The following FKBPL variants were observed in gnomAD, a reference collection of about 807,000 sequenced individuals.
The protein encoded by FKBPL is FK506-binding protein-like.
FKBPL carries 31 observed loss-of-function variants against 27.9 expected under a neutral mutation model. That is an observed-to-expected ratio of 1.11 (90% CI 0.83 to 1.50). The LOEUF (loss-of-function observed/expected upper bound fraction) is 1.50. Ranked by LOEUF, FKBPL falls within the 40% of genes most tolerant of loss-of-function variation. FKBPL has a pLI of 0.00. For missense variants in FKBPL, 355 were observed against 425.9 expected, an observed-to-expected ratio of 0.83 and a Z score of 1.46; for synonymous variants, 134 against 169.5, an observed-to-expected ratio of 0.79 and a Z score of 1.63.
Position 32,128,769 on chromosome 6 carries a change from C to T in FKBPL, c.1012G>A (p.Ala338Thr). Residue 338 changes from alanine (A) to threonine (T), a missense_variant, in exon 2 of 2, where the codon GCA becomes ACA. Ala to Thr is a moderately conservative substitution (Grantham distance 58). Transcript: ENST00000375156. ...KVVIQGKNQDAGLAQGLRKMF... is the reference protein window; with the variant it reads ...KVVIQGKNQDTGLAQGLRKMF... ...TTGCGCAGACCCTGAGCCAGCCCTG[C>T]ATCCTGGTTCTTCCCCTGAATGACC... 1.2e-6 allele frequency: 2 copies of T among 1,614,232 alleles called. No homozygotes were observed. Among genetic ancestry groups the T allele is most frequent in the South Asian group, 1.1e-5 (1 of 91,082 alleles).
chr6:32,129,445 G>A lies in FKBPL; in HGVS notation c.336C>T (p.Gly112=). 6.2e-7 allele frequency: 1 copy of A among 1,614,248 alleles called. No homozygotes were observed. Among genetic ancestry groups the A allele is most frequent in the Non-Finnish European group, 8.5e-7 (1 of 1,180,054 alleles). ...GSFVKKIVIR[G]HGLDKPKLGS... Reference sequence around the variant, plus strand: ...CTAGTTTGGGTTTGTCCAAGCCATGGCCACGGATTACGATCTTCTTGACAA... The same window carrying A: ...CTAGTTTGGGTTTGTCCAAGCCATGACCACGGATTACGATCTTCTTGACAA... The change falls in exon 2 of 2, where the codon GGC becomes GGT. Residue 112 remains glycine (G), a synonymous_variant. Coordinates refer to ENST00000375156, the MANE Select transcript of FKBPL (RefSeq NM_022110.4). The surrounding 1 kb of genome is among the most constrained non-coding windows in gnomAD (Gnocchi z 4.5).
chr6:32,129,832 A>G lies in FKBPL; in HGVS notation c.-52T>C. ...AGTGAACAGTTTTGGTCAGAAAGGGATGAACCAGGTTCAGGTCAGCACCTG... is the reference window on the plus strand; with the variant it reads ...AGTGAACAGTTTTGGTCAGAAAGGGGTGAACCAGGTTCAGGTCAGCACCTG... On this transcript the variant is annotated 5_prime_UTR_variant, in exon 2 of 2. Coordinates refer to ENST00000375156, the MANE Select transcript of FKBPL (RefSeq NM_022110.4). This position sits in a 1 kb window ranked among gnomAD's most constrained non-coding sequence, Gnocchi z 4.5. 6.5e-7 allele frequency: 1 copy of G among 1,543,894 alleles called. No homozygotes were observed. The highest frequency in any genetic ancestry group is 8.9e-7 in the Non-Finnish European group (1 of 1,128,284).
Position 32,128,965 on chromosome 6 carries a change from G to A in FKBPL, c.816C>T (p.Ala272=). 1 of 1,614,042 alleles carries A rather than the reference G, an allele frequency of 6.2e-7. No homozygotes were observed. The highest frequency in any genetic ancestry group is 8.5e-7 in the Non-Finnish European group (1 of 1,179,882). Reference sequence around the variant, plus strand: ...GCTCCAACACCCGGTCACAGCTCTGGGCTGCCAACTGAGGCTGCCCTAGCA... The same window carrying A: ...GCTCCAACACCCGGTCACAGCTCTGAGCTGCCAACTGAGGCTGCCCTAGCA... ...QLLLGQPQLA[A]QSCDRVLERE... The change falls in exon 2 of 2, where the codon GCC becomes GCT. Residue 272 remains alanine (A), a synonymous_variant. Transcript: ENST00000375156.
chr6:32,129,696 G>C lies in FKBPL; in HGVS notation c.85C>G (p.Leu29Val), dbSNP rs770043228. The change falls in exon 2 of 2, where the codon CTT becomes GTT. Residue 29 changes from leucine (L) to valine (V), a missense_variant. Leu to Val is a conservative substitution (Grantham distance 32, BLOSUM62 1). Transcript: ENST00000375156. The surrounding 1 kb of genome is among the most constrained non-coding windows in gnomAD (Gnocchi z 4.5). ...QEWEKNLREN[L>V]DSVIQIRQQP... ...TGCCTAATCTGAATAACTGAATCAA[G>C]GTTCTCCCGAAGGTTCTTTTCCCAC... 2 of 1,614,122 alleles carry C rather than the reference G, an allele frequency of 1.2e-6. No homozygotes were observed. The highest frequency in any genetic ancestry group is 2.2e-5 in the East Asian group (1 of 44,882).
At position 32,129,673 on chromosome 6, in the gene FKBPL, C is replaced by T. The variant is rs1457037083; in HGVS notation, c.108G>A (p.Arg36=). The T allele has an allele frequency of 6.2e-7, 1 of 1,614,148 alleles. No homozygotes were observed. Residue 36 remains arginine, a synonymous_variant, in exon 2 of 2, where the codon AGG becomes AGA. Coordinates refer to ENST00000375156, the MANE Select transcript of FKBPL (RefSeq NM_022110.4). This position sits in a 1 kb window ranked among gnomAD's most constrained non-coding sequence, Gnocchi z 4.5. ...RENLDSVIQI[R]QQPRDPPTET... ...CGGTAGGAGGGTCTCGGGGCTGCTG[C>T]CTAATCTGAATAACTGAATCAAGGT...
chr6:32,129,310 C>T lies in FKBPL; in HGVS notation c.471G>A (p.Gly157=). Residue 157 remains glycine, a synonymous_variant, in exon 2 of 2, where the codon GGG becomes GGA. Coordinates refer to ENST00000375156, the MANE Select transcript of FKBPL (RefSeq NM_022110.4). The surrounding 1 kb of genome is among the most constrained non-coding windows in gnomAD (Gnocchi z 4.5). The stretch of plus-strand genomic sequence containing the variant: ...ACTCCAAGCATTTCTCTATGAGCTC[C>T]CCCCAAGTTTCCTCCCTCCATGGCC... ...GVGPWREETW[G]ELIEKCLESM... 1 of 1,614,242 alleles carries T rather than the reference C, an allele frequency of 6.2e-7. No individual in the cohort carries two copies. The highest frequency in any genetic ancestry group is 8.5e-7 in the Non-Finnish European group (1 of 1,180,032).
chr6:32,129,473 C>T lies in FKBPL; in HGVS notation c.308G>A (p.Ser103Asn), dbSNP rs1782151760. ...ASDLWYCPDG[S>N]FVKKIVIRGH... ...ACGGATTACGATCTTCTTGACAAAG[C>T]TCCCATCGGGGCAGTACCAGAGATC... Residue 103 changes from serine to asparagine, a missense_variant, in exon 2 of 2, where the codon AGC (serine) becomes AAC (asparagine). Transcript: ENST00000375156. This position sits in a 1 kb window ranked among gnomAD's most constrained non-coding sequence, Gnocchi z 4.5. 5.6e-6 allele frequency: 9 copies of T among 1,614,256 alleles called. No individual in the cohort carries two copies. The highest frequency in any genetic ancestry group is 6.8e-6 in the Non-Finnish European group (8 of 1,180,054).
In FKBPL at chr6:32,129,057, T is replaced by C; in HGVS notation, c.724A>G (p.Thr242Ala). ...CYGRALRLLL[T>A]LPPPGPPERT... Reference sequence around the variant, plus strand: ...TCTGGAGGGCCAGGTGGGGGTAAAGTCAGGAGCAGCCGAAGAGCCCGTCCA... The same window carrying C: ...TCTGGAGGGCCAGGTGGGGGTAAAGCCAGGAGCAGCCGAAGAGCCCGTCCA... The change falls in exon 2 of 2, where the codon ACT becomes GCT. Residue 242 changes from threonine (T) to alanine (A), a missense_variant. By Grantham distance (58) the Thr-to-Ala change is moderately conservative. Transcript: ENST00000375156. The surrounding 1 kb of genome is among the most constrained non-coding windows in gnomAD (Gnocchi z 4.5). 1 of 1,614,184 alleles carries C rather than the reference T, an allele frequency of 6.2e-7. No individual in the cohort carries two copies. Among genetic ancestry groups the C allele is most frequent in the Non-Finnish European group, 8.5e-7 (1 of 1,180,028 alleles).
chr6:32,129,996 C>G lies in FKBPL; in HGVS notation c.-75+99G>C. On this transcript the variant is annotated intron_variant, in intron 1 of 1. Coordinates refer to ENST00000375156, the MANE Select transcript of FKBPL (RefSeq NM_022110.4). This position sits in a 1 kb window ranked among gnomAD's most constrained non-coding sequence, Gnocchi z 4.5. ...CCTCCAAAAATCTGCTCCAGCTTCC[C>G]CGTTCCACCCACATATAATTTAGAA... The G allele has an allele frequency of 1.6e-6, 1 of 620,762 alleles. No individual in the cohort carries two copies. The highest frequency in any genetic ancestry group is 2.0e-5 in the South Asian group (1 of 51,066). 38.5% of individuals were successfully genotyped at this position (620,762 alleles called of 1,614,324 possible). A position where few individuals can be genotyped will look rare whatever the true frequency, so the allele number is the denominator to read the frequency against.
In FKBPL at chr6:32,129,456, C is replaced by T. The variant is rs1029445798; in HGVS notation, c.325G>A (p.Val109Ile). The T allele has an allele frequency of 1.2e-6, 2 of 1,614,226 alleles. No individual in the cohort carries two copies. The highest frequency in any genetic ancestry group is 1.1e-5 in the South Asian group (1 of 91,092). The change falls in exon 2 of 2, where the codon GTA becomes ATA. Residue 109 changes from valine to isoleucine, a missense_variant. Coordinates refer to ENST00000375156, the MANE Select transcript of FKBPL (RefSeq NM_022110.4). This position sits in a 1 kb window ranked among gnomAD's most constrained non-coding sequence, Gnocchi z 4.5. ...CPDGSFVKKIVIRGHGLDKPK... is the reference protein window; with the variant it reads ...CPDGSFVKKIIIRGHGLDKPK... The stretch of plus-strand genomic sequence containing the variant: ...TTGTCCAAGCCATGGCCACGGATTA[C>T]GATCTTCTTGACAAAGCTCCCATCG...
Position 32,129,068 on chromosome 6 carries a change from C to T in FKBPL, c.713G>A (p.Arg238Gln), listed in dbSNP as rs1167063174. ...AGGTGGGGGTAAAGTCAGGAGCAGC[C>T]GAAGAGCCCGTCCATAGCATCGGGC... is the stretch of plus-strand genomic sequence containing the variant. ...GAARCYGRAL[R>Q]LLLTLPPPGP... is the part of the protein sequence containing the mutation. Residue 238 changes from arginine (R) to glutamine (Q), a missense_variant, in exon 2 of 2, where the codon CGG becomes CAG. Arg to Gln is a conservative substitution (Grantham distance 43, BLOSUM62 1). Coordinates refer to ENST00000375156, the MANE Select transcript of FKBPL (RefSeq NM_022110.4). This position sits in a 1 kb window ranked among gnomAD's most constrained non-coding sequence, Gnocchi z 4.5. 5.0e-6 allele frequency: 8 copies of T among 1,614,106 alleles called. No homozygotes were observed. Among genetic ancestry groups the T allele is most frequent in the East Asian group, 4.5e-5 (2 of 44,904 alleles).
chr6:32,130,216 C>A lies in FKBPL; in HGVS notation c.-196G>T. On this transcript the variant is annotated 5_prime_UTR_variant, in exon 1 of 2. Coordinates refer to ENST00000375156, the MANE Select transcript of FKBPL (RefSeq NM_022110.4). Reference sequence around the variant, plus strand: ...GGAGCCTTGCCCCACGCGGAGAGGGCAGCCGGAGAGGGGCGCGGTGCGGGA... The same window carrying A: ...GGAGCCTTGCCCCACGCGGAGAGGGAAGCCGGAGAGGGGCGCGGTGCGGGA... 1 of 201,932 alleles carries A rather than the reference C, an allele frequency of 5.0e-6. No homozygotes were observed. The highest frequency in any genetic ancestry group is 2.4e-5 in the African/African-American group (1 of 42,418). 12.5% of individuals were successfully genotyped at this position (201,932 alleles called of 1,614,324 possible). A position where few individuals can be genotyped will look rare whatever the true frequency, so the allele number is the denominator to read the frequency against.
In FKBPL at chr6:32,128,716, AGGTTT is replaced by A; in HGVS notation, c.*10_*14del. ...AATTCACAAGTTCCTGTCTCTTTTA[AGGTTT>A]AACTTTTAATCAGCCAAACATCTTG... On this transcript the variant is annotated 3_prime_UTR_variant, in exon 2 of 2. Coordinates refer to ENST00000375156, the MANE Select transcript of FKBPL (RefSeq NM_022110.4). The A allele has an allele frequency of 6.2e-7, 1 of 1,613,938 alleles. No homozygotes were observed. Among genetic ancestry groups the A allele is most frequent in the Non-Finnish European group, 8.5e-7 (1 of 1,179,914 alleles).
Position 32,130,101 on chromosome 6 carries a change from G to A in FKBPL, c.-81C>T. 2.0e-6 allele frequency: 1 copy of A among 491,900 alleles called. No homozygotes were observed. Among genetic ancestry groups the A allele is most frequent in the South Asian group, 2.3e-5 (1 of 44,282 alleles). The allele number at this position is 491,900 out of a possible 1,614,324, so 30.5% of individuals were successfully genotyped here. On this transcript the variant is annotated 5_prime_UTR_variant, in exon 1 of 2. Transcript: ENST00000375156. ...CGGTCGGGTCAATAAGTACCTGCGC[G>A]GCCAAAGTGCCTAGCATGGTGACAG...
chr6:32,130,134 C>T lies in FKBPL; in HGVS notation c.-114G>A. ...TGCCTAGCATGGTGACAGGAGGAGCCGGGCCATTCGAATCACCTCTCCTTC... is the reference window on the plus strand; with the variant it reads ...TGCCTAGCATGGTGACAGGAGGAGCTGGGCCATTCGAATCACCTCTCCTTC... On this transcript the variant is annotated 5_prime_UTR_variant, in exon 1 of 2. Coordinates refer to ENST00000375156, the MANE Select transcript of FKBPL (RefSeq NM_022110.4). 2.7e-6 allele frequency: 1 copy of T among 369,398 alleles called. No homozygotes were observed. The highest frequency in any genetic ancestry group is 6.1e-5 in the East Asian group (1 of 16,366). The allele number at this position is 369,398 out of a possible 1,614,324, so 22.9% of individuals were successfully genotyped here.
In FKBPL at chr6:32,129,661, T is replaced by G; in HGVS notation, c.120A>C (p.Arg40=). The change falls in exon 2 of 2, where the codon CGA becomes CGC. Residue 40 remains arginine, a synonymous_variant. Transcript: ENST00000375156. The surrounding 1 kb of genome is among the most constrained non-coding windows in gnomAD (Gnocchi z 4.5). ...GCTCAAGCGTTTCGGTAGGAGGGTC[T>G]CGGGGCTGCTGCCTAATCTGAATAA... The part of the protein sequence containing the change: ...DSVIQIRQQP[R]DPPTETLELE... 1 of 1,614,212 alleles carries G rather than the reference T, an allele frequency of 6.2e-7. No homozygotes were observed. The highest frequency in any genetic ancestry group is 8.5e-7 in the Non-Finnish European group (1 of 1,180,044).
chr6:32,129,793 T>A lies in FKBPL; in HGVS notation c.-13A>T. On this transcript the variant is annotated 5_prime_UTR_variant, in exon 2 of 2. Transcript: ENST00000375156. This position sits in a 1 kb window ranked among gnomAD's most constrained non-coding sequence, Gnocchi z 4.5. The stretch of plus-strand genomic sequence containing the variant: ...GTGGCGTCTCCATATGGATGCTTAG[T>A]CCCTTCCACGGTGAGTGAACAGTTT... The A allele has an allele frequency of 6.2e-7, 1 of 1,608,852 alleles. No homozygotes were observed. Among genetic ancestry groups the A allele is most frequent in the Non-Finnish European group, 8.5e-7 (1 of 1,177,456 alleles).
Position 32,129,482 on chromosome 6 carries a change from G to C in FKBPL, c.299C>G (p.Pro100Arg). The change falls in exon 2 of 2, where the codon CCC becomes CGC. Residue 100 changes from proline to arginine, a missense_variant. Physicochemically the swap from Pro to Arg is moderately radical, Grantham distance 103. Coordinates refer to ENST00000375156, the MANE Select transcript of FKBPL (RefSeq NM_022110.4). The surrounding 1 kb of genome is among the most constrained non-coding windows in gnomAD (Gnocchi z 4.5). ...ALQASDLWYC[P>R]DGSFVKKIVI... ...GATCTTCTTGACAAAGCTCCCATCG[G>C]GGCAGTACCAGAGATCAGAAGCTTG... 1 of 1,614,228 alleles carries C rather than the reference G, an allele frequency of 6.2e-7. No homozygotes were observed. Among genetic ancestry groups the C allele is most frequent in the Non-Finnish European group, 8.5e-7 (1 of 1,180,050 alleles).
chr6:32,129,735 G>A lies in FKBPL; in HGVS notation c.46C>T (p.Gln16Ter), dbSNP rs772594941. Residue 16 changes from glutamine (Q) to a stop codon, truncating the protein, a stop_gained, in exon 2 of 2, where the codon CAG becomes TAG. Coordinates refer to ENST00000375156, the MANE Select transcript of FKBPL (RefSeq NM_022110.4). LOFTEE classifies it high-confidence loss of function. This position sits in a 1 kb window ranked among gnomAD's most constrained non-coding sequence, Gnocchi z 4.5. ...VNTIGEKDTS[Q>*]PQQEWEKNLR... ...TTCTTTTCCCACTCTTGTTGCGGCT[G>A]AGAGGTGTCCTTTTCTCCAATTGTA... 2 of 1,614,118 alleles carry A rather than the reference G, an allele frequency of 1.2e-6. No individual in the cohort carries two copies. The highest frequency in any genetic ancestry group is 3.3e-5 in the Admixed American group (2 of 60,018).
Sources: allele counts gnomAD v4.1 joint callset, GRCh38; gene constraint gnomAD v4.1.1; non-coding constraint Gnocchi (gnomAD v3.1); transcripts MANE v1.5; gene names NCBI Gene and HGNC (gene_info 2026-07-23, HGNC 2026-07-21).